Variants in TNFRSF19 observed in about 807,000 individuals in gnomAD.
The protein encoded by TNFRSF19 is TNF receptor superfamily member 19.
A neutral mutation model predicts 46.4 loss-of-function variants in TNFRSF19; 27 were observed. That is an observed-to-expected ratio of 0.58 (90% CI 0.43 to 0.80). The LOEUF (loss-of-function observed/expected upper bound fraction) is 0.80, where lower values mean the gene tolerates loss of function less well. Among genes scored for constraint, TNFRSF19 ranks in the 30% least tolerant of loss-of-function variants. TNFRSF19 has a pLI of 0.00. For synonymous variants in TNFRSF19, 204 were observed against 205.0 expected (o/e 1.00, Z 0.04); for missense variants, 511 against 530.8 (o/e 0.96, Z 0.37).
At chr13:23,599,676 G>A (rs1879991868) in intron 3 of TNFRSF19, among the ~76,000 whole-genome samples, 1 of 152,190 alleles carries the variant, frequency 6.6e-6, no homozygotes, top group African/African-American at 2.4e-5. Context: ...GTTAAGATAA[G>A]GGGTTTTAGA....
At chr13:23,598,204 G>A (rs1252540725) in intron 3 of TNFRSF19, among the ~76,000 whole-genome samples, 2 of 152,084 alleles carry the variant, frequency 1.3e-5, no homozygotes, top group Admixed American at 1.3e-4. Flanking sequence ...ATGGACACAG[G>A]GAGGGGAACA....
intron 1 of TNFRSF19, among the ~76,000 whole-genome samples, chr13:23,583,288 C>T (rs959029193): frequency 1.3e-5 from 2 of 152,008 alleles, no homozygotes; most frequent in African/African-American, 2.4e-5. Flanking sequence ...ATTTTCATCA[C>T]TCCAGTGGCT....
At chr13:23,644,489 G>A (rs890661604) in intron 5 of TNFRSF19, among the ~76,000 whole-genome samples, 1 of 152,124 alleles carries the variant, frequency 6.6e-6, no homozygotes, top group African/African-American at 2.4e-5. Flanking sequence ...CAGCATGATT[G>A]TAAGTTTCCT....
rs533918863 is a variant in TNFRSF19, at chr13:23,571,824, T to C, written c.-35+976T>C. On this transcript the variant is annotated intron_variant, in intron 1 of 9. Coordinates refer to ENST00000248484, the MANE Select transcript of TNFRSF19 (RefSeq NM_148957.4). ...ACAGTAAAATCTTTACAGTGAAATA[T>C]AAAAACTAAATACAATGGAAAAGTA... 2.6e-5 allele frequency among the ~76,000 whole-genome samples: 4 copies of C among 151,752 alleles called. No individual in the cohort carries two copies. The South Asian group carries it at 6.2e-4, about 24-fold the overall frequency.
chr13:23,589,612 C>T (rs1388380099), intron 1 of TNFRSF19, among the ~76,000 whole-genome samples: 3 of 152,178 alleles, frequency 2.0e-5, no homozygotes, highest in African/African-American at 7.2e-5. Context: ...AGCAATGTGA[C>T]CTTGGGCAGG....
At chr13:23,639,908 C>T (rs928437403) in intron 5 of TNFRSF19, among the ~76,000 whole-genome samples, 3 of 152,170 alleles carry the variant, frequency 2.0e-5, no homozygotes, top group Non-Finnish European at 4.4e-5. Flanking sequence ...TTGTTGCAGT[C>T]AGAATGAATG....
chr13:23,668,809 C>T lies in TNFRSF19; in HGVS notation c.957C>T (p.Asn319=). The T allele has an allele frequency of 6.2e-7, 1 of 1,614,238 alleles. No homozygotes were observed. Among genetic ancestry groups the T allele is most frequent in the South Asian group, 1.1e-5 (1 of 91,086 alleles). ...PLMQNPMGGD[N]ISFCDSYPEL... ...TGCAGAATCCCATGGGTGGTGACAA[C>T]ATCTCTTTTTGTGACTCTTATCCTG... is the stretch of plus-strand genomic sequence containing the variant. The change falls in exon 9 of 10, where the codon AAC becomes AAT. Residue 319 remains asparagine, a synonymous_variant. Transcript: ENST00000248484.
At chr13:23,654,401 G>A (rs990122302) in intron 5 of TNFRSF19, among the ~76,000 whole-genome samples, 2 of 152,040 alleles carry the variant, frequency 1.3e-5, no homozygotes, top group Admixed American at 1.3e-4. Context: ...CCCAGACGTT[G>A]CTCAGCATGC....
At chr13:23,661,081 A>G (rs1459470818) in intron 7 of TNFRSF19, among the ~76,000 whole-genome samples, 2 of 152,204 alleles carry the variant, frequency 1.3e-5, no homozygotes, top group East Asian at 3.8e-4. Context: ...TTGGGGGTAC[A>G]TGTGCAGGTT....
chr13:23,650,938 T>G (rs1883592388), intron 5 of TNFRSF19, among the ~76,000 whole-genome samples: 1 of 152,156 alleles, frequency 6.6e-6, no homozygotes, highest in Non-Finnish European at 1.5e-5. Flanking sequence ...TGGTATAAAG[T>G]GTATTTTACA....
In TNFRSF19 at chr13:23,620,054, A is replaced by G. The variant is rs111715035; in HGVS notation, c.359+4009A>G. On this transcript the variant is annotated intron_variant, in intron 4 of 9. Coordinates refer to ENST00000248484, the MANE Select transcript of TNFRSF19 (RefSeq NM_148957.4). ...TTGAGTGATGTTTCACAATTTATTTATATGATTACTTTAAAATCCCATTTT... is the reference window on the plus strand; with the variant it reads ...TTGAGTGATGTTTCACAATTTATTTGTATGATTACTTTAAAATCCCATTTT... Among the ~76,000 whole-genome samples the G allele has an allele frequency of 6.3e-3, 954 of 152,366 alleles. 10 individuals carry two copies. Among genetic ancestry groups the G allele is most frequent in the African/African-American group, 0.022 (914 of 41,592 alleles).
intron 1 of TNFRSF19, among the ~76,000 whole-genome samples, chr13:23,585,821 A>G (rs762630991): frequency 5.3e-5 from 8 of 152,148 alleles, no homozygotes; most frequent in Non-Finnish European, 1.0e-4. Flanking sequence ...CACTAAAGAT[A>G]TGTCCTTCCG....
At chr13:23,631,597 G>C (rs753828322) in intron 5 of TNFRSF19, among the ~76,000 whole-genome samples, 1 of 152,122 alleles carries the variant, frequency 6.6e-6, no homozygotes, top group African/African-American at 2.4e-5. Flanking sequence ...TCATATTTTT[G>C]TCTCTTGACA....
At position 23,673,424 on chromosome 13, in the gene TNFRSF19, A is replaced by G; in HGVS notation, c.*44A>G. On this transcript the variant is annotated 3_prime_UTR_variant, in exon 10 of 10. Coordinates refer to ENST00000248484, the MANE Select transcript of TNFRSF19 (RefSeq NM_148957.4). ...CAGTAGAAGCGTGTGCTGGAACCCA[A>G]AGAGTACTCCTTTGTTAGGCTTATG... 2 of 1,593,490 alleles carry G rather than the reference A, an allele frequency of 1.3e-6. No homozygotes were observed. The highest frequency in any genetic ancestry group is 1.7e-6 in the Non-Finnish European group (2 of 1,167,916).
intron 5 of TNFRSF19, among the ~76,000 whole-genome samples, chr13:23,634,304 C>A (rs1208612635): frequency 6.6e-6 from 1 of 152,116 alleles, no homozygotes; most frequent in Non-Finnish European, 1.5e-5. Context: ...TTTGGTGGGG[C>A]CTTCTGAGAA....
chr13:23,655,370 AT>A (rs1454164095), intron 5 of TNFRSF19, among the ~76,000 whole-genome samples: 1 of 152,246 alleles, frequency 6.6e-6, no homozygotes, highest in Non-Finnish European at 1.5e-5. Flanking sequence ...TAGTGCTAAC[AT>A]TATGGTGGAA....
Position 23,624,974 on chromosome 13 carries a change from A to G in TNFRSF19, c.360-1733A>G, listed in dbSNP as rs189584809. 2.4e-3 allele frequency among the ~76,000 whole-genome samples: 354 copies of G among 150,376 alleles called. 1 individual carries two copies. The highest frequency in any genetic ancestry group is 8.4e-3 in the African/African-American group (343 of 40,798). ...ACCATTTTGGCCAGGCTGGTCTTGAACTCCCGACCTCAGGTGATCCACCTG... is the reference window on the plus strand; with the variant it reads ...ACCATTTTGGCCAGGCTGGTCTTGAGCTCCCGACCTCAGGTGATCCACCTG... On this transcript the variant is annotated intron_variant, in intron 4 of 9. Transcript: ENST00000248484.
At chr13:23,652,967 GCTGTAA>G (rs1883740257) in intron 5 of TNFRSF19, among the ~76,000 whole-genome samples, 2 of 152,210 alleles carry the variant, frequency 1.3e-5, no homozygotes, top group Non-Finnish European at 2.9e-5. Context: ...ATACTAAGCT[GCTGTAA>G]CAAAGAGACC....
At chr13:23,632,040 T>A (rs78473166) in intron 5 of TNFRSF19, among the ~76,000 whole-genome samples, 4,825 of 152,206 alleles carry the variant, frequency 0.032, 119 homozygotes, top group Middle Eastern at 0.078. Flanking sequence ...TGCAGTGGAG[T>A]TGTTTCTGAT....
Sources: allele counts gnomAD v4.1 joint callset (sites outside exome capture counted in the v4.1 genomes callset), GRCh38; gene constraint gnomAD v4.1.1; transcripts MANE v1.5; gene names NCBI Gene and HGNC (gene_info 2026-07-23, HGNC 2026-07-21).